Variants in SP100 observed in about 807,000 individuals in gnomAD.
The protein encoded by SP100 is SP100 nuclear body protein.
Under a neutral mutation model 130.0 loss-of-function variants are expected in SP100, and 84 were observed. That is an observed-to-expected ratio of 0.65 (90% CI 0.54 to 0.77). The LOEUF is 0.77. Ranked by LOEUF, SP100 falls within the 30% of genes least tolerant of loss-of-function variation. The pLI is 0.00. For missense variants in SP100, 978 were observed against 1,052.2 expected, an observed-to-expected ratio of 0.93 and a Z score of 0.97; for synonymous variants, 331 against 351.7, an observed-to-expected ratio of 0.94 and a Z score of 0.66.
rs142295037 is a variant in SP100, at chr2:230,444,312, C to T, written c.405C>T (p.Pro135=). 1.9e-4 allele frequency: 299 copies of T among 1,610,862 alleles called. 1 individual carries two copies. In the African/African-American group the frequency reaches 3.5e-3, roughly 19 times the overall value. The stretch of plus-strand genomic sequence containing the variant: ...GCGATGTCAACATGCAGGAATACCC[C>T]GATTTAATTCACATTTATAAAGGCT... The part of the protein sequence containing the change: ...LFSDVNMQEY[P]DLIHIYKGFE... Residue 135 remains proline (P), a synonymous_variant, in exon 4 of 29, where the codon CCC becomes CCT. Transcript: ENST00000340126.
chr2:230,421,040 G>A (rs1489867975), intron 2 of SP100, among the ~76,000 whole-genome samples: 1 of 151,810 alleles, frequency 6.6e-6, no homozygotes, highest in East Asian at 1.9e-4. Context: ...AGTAATCAGT[G>A]TTACCATTAT....
rs35985492 is a variant in SP100 at position 230,462,469 on chromosome 2, C to T, written c.1008C>T (p.Asp336=). 18,893 of 1,613,734 alleles carry T rather than the reference C, an allele frequency of 0.012. 139 individuals are homozygous for T. The highest frequency in any genetic ancestry group is 0.013 in the Non-Finnish European group (15,808 of 1,179,734). ...ISSEDSEGST[D]VDEPLEVFIS... ...GTGAGGACTCTGAAGGATCCACTGA[C>T]GTTGATGAGCCCTTAGAAGTCTTCA... The change falls in exon 10 of 29, where the codon GAC becomes GAT. Residue 336 remains aspartate (D), a synonymous_variant. Transcript: ENST00000340126.
intron 17 of SP100, among the ~76,000 whole-genome samples, chr2:230,494,076 G>C (rs1164216718): frequency 1.3e-5 from 2 of 152,012 alleles, no homozygotes; most frequent in Non-Finnish European, 2.9e-5. Flanking sequence ...TGATTTCTTA[G>C]ACCTACTGTT....
chr2:230,466,303 C>G lies in SP100; in HGVS notation c.1144C>G (p.Pro382Ala). 1.3e-6 allele frequency: 2 copies of G among 1,572,278 alleles called. No homozygotes were observed. Among genetic ancestry groups the G allele is most frequent in the Admixed American group, 3.4e-5 (2 of 59,458 alleles). The change falls in exon 12 of 29, where the codon CCC becomes GCC. Residue 382 changes from proline (P) to alanine (A), a missense_variant and splice_region_variant. By Grantham distance (27) the Pro-to-Ala change is conservative. Coordinates refer to ENST00000340126, the MANE Select transcript of SP100 (RefSeq NM_001080391.2). ...TCSRPQIVPE[P>A]MDFRKLSTFR... ...GGTTTCTCCCTTTTACTTTACAGAG[C>G]CCATGGATTTCAGAAAATTATCTAC... is the stretch of plus-strand genomic sequence containing the variant.
At chr2:230,467,749 T>C (rs2065036651) in intron 13 of SP100, among the ~76,000 whole-genome samples, 1 of 152,232 alleles carries the variant, frequency 6.6e-6, no homozygotes, top group Non-Finnish European at 1.5e-5. Flanking sequence ...AAGATGAGAT[T>C]TGGGTGAGGA....
Position 230,444,296 on chromosome 2 carries a change from A to G in SP100, c.389A>G (p.Asn130Ser), listed in dbSNP as rs1467229608. 1.9e-6 allele frequency: 3 copies of G among 1,613,980 alleles called. No individual in the cohort carries two copies. Among genetic ancestry groups the G allele is most frequent in the South Asian group, 1.1e-5 (1 of 91,040 alleles). The change falls in exon 4 of 29, where the codon AAC (asparagine) becomes AGC (serine). Residue 130 changes from asparagine (N) to serine (S), a missense_variant. Physicochemically the swap from Asn to Ser is conservative, Grantham distance 46. Transcript: ENST00000340126. ...PVLEALFSDV[N>S]MQEYPDLIHI... is the part of the protein sequence containing the mutation. ...CTGGAAGCACTGTTCAGCGATGTCA[A>G]CATGCAGGAATACCCCGATTTAATT...
chr2:230,512,399 C>T (rs531235404), intron 24 of SP100, among the ~76,000 whole-genome samples: 1 of 147,980 alleles, frequency 6.8e-6, no homozygotes, highest in African/African-American at 2.5e-5. Context: ...AGGCAATTCT[C>T]CTGCCTCAGC....
At position 230,481,693 on chromosome 2, in the gene SP100, T is replaced by A. The variant is rs140440184; in HGVS notation, c.1600+7246T>A. On this transcript the variant is annotated intron_variant, in intron 17 of 28. Coordinates refer to ENST00000340126, the MANE Select transcript of SP100 (RefSeq NM_001080391.2). Reference sequence around the variant, plus strand: ...ACCTAGAAAAGTTTCCAGTTGAACCTAGAAAAAAAAGTCTAAACTTCTTAC... The same window carrying A: ...ACCTAGAAAAGTTTCCAGTTGAACCAAGAAAAAAAAGTCTAAACTTCTTAC... Among the ~76,000 whole-genome samples the A allele has an allele frequency of 7.9e-5, 12 of 152,226 alleles. No individual in the cohort carries two copies. The East Asian group carries it at 2.3e-3, about 29-fold the overall frequency.
intron 2 of SP100, chr2:230,440,508 G>A: frequency 7.7e-7 from 1 of 1,305,098 alleles, no homozygotes; most frequent in Non-Finnish European, 9.8e-7. Flanking sequence ...AATGAAAGAT[G>A]TACATGACTT....
At chr2:230,495,174 A>G (rs562168502) in intron 18 of SP100, among the ~76,000 whole-genome samples, 1 of 152,192 alleles carries the variant, frequency 6.6e-6, no homozygotes, top group African/African-American at 2.4e-5. Context: ...ATGAGGGAAC[A>G]GGAGGAAGTG....
rs949725716 is a variant in SP100 at position 230,543,996 on chromosome 2, G to C, written c.*1050G>C. 6.6e-6 allele frequency: 1 copy of C among 151,998 alleles called. No homozygotes were observed. Among genetic ancestry groups the C allele is most frequent in the African/African-American group, 2.4e-5 (1 of 41,490 alleles). 9.4% of individuals were successfully genotyped at this position (151,998 alleles called of 1,614,324 possible). A position where few individuals can be genotyped will look rare whatever the true frequency, so the allele number is the denominator to read the frequency against. On this transcript the variant is annotated 3_prime_UTR_variant, in exon 29 of 29. Coordinates refer to ENST00000340126, the MANE Select transcript of SP100 (RefSeq NM_001080391.2). Reference sequence around the variant, plus strand: ...CCAATGGAACAGAACGAAGAGCACAGAATAAGACCACACTCCTATGACCAT... The same window carrying C: ...CCAATGGAACAGAACGAAGAGCACACAATAAGACCACACTCCTATGACCAT...
intron 24 of SP100, among the ~76,000 whole-genome samples, chr2:230,514,379 A>C (rs1414034435): frequency 6.6e-6 from 1 of 152,202 alleles, no homozygotes. Context: ...AACCTGTTCC[A>C]TTAGGGAGCC....
chr2:230,526,710 C>G (rs561375530), intron 24 of SP100, among the ~76,000 whole-genome samples: 1 of 152,244 alleles, frequency 6.6e-6, no homozygotes, highest in Admixed American at 6.5e-5. Context: ...CTAGAATAAA[C>G]AGTGTGGAGA....
chr2:230,491,500 C>T (rs533131034), intron 17 of SP100, among the ~76,000 whole-genome samples: 2 of 152,334 alleles, frequency 1.3e-5, no homozygotes, highest in Non-Finnish European at 2.9e-5. Flanking sequence ...GGGACCAAGC[C>T]ATCCAGCCTC....
chr2:230,532,592 T>C (rs1418100414), intron 24 of SP100, among the ~76,000 whole-genome samples: 4 of 151,932 alleles, frequency 2.6e-5, no homozygotes, highest in Admixed American at 1.3e-4. Context: ...TCTATCACTG[T>C]TGAGTCTTTC....
At chr2:230,541,594 T>C (rs539144723) in intron 27 of SP100, among the ~76,000 whole-genome samples, 64 of 152,308 alleles carry the variant, frequency 4.2e-4, no homozygotes, top group Admixed American at 2.0e-3. Flanking sequence ...GGTCCGGTTC[T>C]GGAGAGGGCT....
chr2:230,434,153 T>G (rs1396262134), intron 2 of SP100, among the ~76,000 whole-genome samples: 1 of 152,024 alleles, frequency 6.6e-6, no homozygotes, highest in Non-Finnish European at 1.5e-5. Flanking sequence ...GTTTAATTTA[T>G]ATAAAAATTA....
intron 23 of SP100, chr2:230,510,243 T>C (rs1270662948): frequency 6.6e-6 from 1 of 152,550 alleles, no homozygotes; most frequent in Non-Finnish European, 1.5e-5. Flanking sequence ...GCTCTCAAGA[T>C]TCAGGAGAAA....
intron 17 of SP100, among the ~76,000 whole-genome samples, chr2:230,476,812 T>G (rs2065569838): frequency 6.6e-6 from 1 of 152,206 alleles, no homozygotes; most frequent in African/African-American, 2.4e-5. Flanking sequence ...TTTCTTTTTC[T>G]TCTTCATAAA....
Sources: allele counts gnomAD v4.1 joint callset (sites outside exome capture counted in the v4.1 genomes callset), GRCh38; gene constraint gnomAD v4.1.1; transcripts MANE v1.5; gene names NCBI Gene and HGNC (gene_info 2026-07-23, HGNC 2026-07-21).